Variants in SLC44A5 observed in about 807,000 individuals in gnomAD.
The protein encoded by SLC44A5 is choline transporter-like protein 5.
A neutral mutation model predicts 101.8 loss-of-function variants in SLC44A5; 57 were observed. The observed-to-expected ratio is 0.56, with a 90% CI of 0.45 to 0.70. The LOEUF is 0.70. Ranked by LOEUF, SLC44A5 falls within the 30% of genes least tolerant of loss-of-function variation. SLC44A5 has a pLI of 0.00. For missense variants in SLC44A5, 737 were observed against 853.1 expected (o/e 0.86, Z 1.70); for synonymous variants, 281 against 290.9 (o/e 0.97, Z 0.35).
chr1:75,401,343 T>C (rs1000529249), intron 2 of SLC44A5, among the ~76,000 whole-genome samples: 12 of 152,214 alleles, frequency 7.9e-5, no homozygotes, highest in Admixed American at 7.9e-4. Flanking sequence ...ATGGAGTTTT[T>C]TATAATGCAT....
At chr1:75,686,438 T>C in the SLC44A5 span, among the ~76,000 whole-genome samples, 2 of 152,164 alleles carry the variant, frequency 1.3e-5, no homozygotes, top group African/African-American at 4.8e-5. Context: ...CATCTTGAAG[T>C]AGAGCCTGTT....
At chr1:75,698,817 T>C in the SLC44A5 span, among the ~76,000 whole-genome samples, 1 of 152,190 alleles carries the variant, frequency 6.6e-6, no homozygotes, top group African/African-American at 2.4e-5. Flanking sequence ...AAGGAGCTGA[T>C]GGAGCTGAAA....
chr1:75,371,152 G>A (rs1333456954), intron 3 of SLC44A5, among the ~76,000 whole-genome samples: 4 of 152,318 alleles, frequency 2.6e-5, no homozygotes, highest in Middle Eastern at 3.4e-3. Context: ...GTGCAGCAAG[G>A]ATGTGTCAAT....
At chr1:75,214,145 G>C (rs1360144899) in intron 20 of SLC44A5, among the ~76,000 whole-genome samples, 156 bp from the exon 21 acceptor site, 1 of 152,120 alleles carries the variant, frequency 6.6e-6, no homozygotes, top group Non-Finnish European at 1.5e-5. Context: ...GGAACTCATG[G>C]ATGATGTTCT....
chr1:75,428,107 C>T (rs149467682), intron 2 of SLC44A5, among the ~76,000 whole-genome samples: 128 of 152,224 alleles, frequency 8.4e-4, no homozygotes, highest in African/African-American at 2.8e-3. Flanking sequence ...TAGCAGAGTT[C>T]CTTTGCTGCC....
the SLC44A5 span, among the ~76,000 whole-genome samples, chr1:75,707,351 A>C: frequency 6.6e-6 from 1 of 152,184 alleles, no homozygotes. Context: ...ACCTGGAGTC[A>C]ACACAACCTG....
At chr1:75,224,045 G>A (rs953066763) in intron 13 of SLC44A5, among the ~76,000 whole-genome samples, 2 of 152,100 alleles carry the variant, frequency 1.3e-5, no homozygotes, top group African/African-American at 4.8e-5. Context: ...AAATATAACT[G>A]TCTTTTGAAC....
intron 2 of SLC44A5, among the ~76,000 whole-genome samples, chr1:75,507,902 G>T (rs748845857): frequency 6.6e-6 from 1 of 152,086 alleles, no homozygotes; most frequent in Non-Finnish European, 1.5e-5. Context: ...CCTACAAAAA[G>T]ACTTAGATAG....
At chr1:75,682,834 GA>G in the SLC44A5 span, among the ~76,000 whole-genome samples, 2 of 152,062 alleles carry the variant, frequency 1.3e-5, no homozygotes. Flanking sequence ...CAAAATGGGA[GA>G]AAATTTTCGC....
chr1:75,267,526 A>G (rs903593261), intron 6 of SLC44A5, among the ~76,000 whole-genome samples: 5 of 151,974 alleles, frequency 3.3e-5, no homozygotes, highest in African/African-American at 1.2e-4. Context: ...TTCTATAAGG[A>G]TATCTGCCAT....
At chr1:75,506,041 A>AG (rs918856365) in intron 2 of SLC44A5, among the ~76,000 whole-genome samples, 9 of 152,174 alleles carry the variant, frequency 5.9e-5, no homozygotes, top group Non-Finnish European at 1.2e-4. Context: ...GGTTCAAGGT[A>AG]GGGGTCTAGT....
In SLC44A5 at chr1:75,595,867, AATG is replaced by A. The variant is rs1213923782; in HGVS notation, c.-70+15170_-70+15172del. Among the ~76,000 whole-genome samples, 7 of 152,310 alleles carry A rather than the reference AATG, an allele frequency of 4.6e-5. No individual in the cohort carries two copies. The East Asian group carries it at 1.2e-3, about 25-fold the overall frequency. On this transcript the variant is annotated intron_variant, in intron 1 of 23. Coordinates refer to ENST00000370859, the MANE Select transcript of SLC44A5 (RefSeq NM_001130058.2). ...GAAGAATAGGACAGAAAGAAAAATG[AATG>A]ATATTTGAAATATAAGCCTTAAAAG...
chr1:75,572,287 A>T (rs2102040449), intron 1 of SLC44A5, among the ~76,000 whole-genome samples: 1 of 152,322 alleles, frequency 6.6e-6, no homozygotes, highest in South Asian at 2.1e-4. Context: ...ATAGCATTCC[A>T]GGAGGCAGGT....
chr1:75,384,283 C>G (rs142906442), intron 3 of SLC44A5, among the ~76,000 whole-genome samples: 38,340 of 151,084 alleles, frequency 0.25, 5,236 homozygotes, highest in African/African-American at 0.35. Flanking sequence ...AGAGTCAAGA[C>G]CCATCAGTGT....
At chr1:75,512,344 C>CT (rs1296957154) in intron 2 of SLC44A5, among the ~76,000 whole-genome samples, 5 of 152,194 alleles carry the variant, frequency 3.3e-5, no homozygotes, top group Non-Finnish European at 7.3e-5. Context: ...AGATGGCAGT[C>CT]TGCATCTGGG....
chr1:75,510,082 T>C (rs932163821), intron 2 of SLC44A5, among the ~76,000 whole-genome samples: 3 of 152,122 alleles, frequency 2.0e-5, no homozygotes, highest in Non-Finnish European at 4.4e-5. Flanking sequence ...TTCACTATCA[T>C]GGGAACAGCA....
the SLC44A5 span, among the ~76,000 whole-genome samples, chr1:75,618,292 T>A: frequency 2.6e-5 from 4 of 152,206 alleles, no homozygotes; most frequent in Non-Finnish European, 5.9e-5. Context: ...ATTATCTCAA[T>A]TAAGGTCATG....
chr1:75,619,056 G>A, the SLC44A5 span, among the ~76,000 whole-genome samples: 2 of 113,918 alleles, frequency 1.8e-5, no homozygotes, highest in African/African-American at 6.7e-5. Context: ...GGCAACAAGA[G>A]CGAAACTCTG....
At chr1:75,563,915 T>C (rs1170273759) in intron 1 of SLC44A5, among the ~76,000 whole-genome samples, 6 of 152,190 alleles carry the variant, frequency 3.9e-5, no homozygotes, top group African/African-American at 1.4e-4. Context: ...TTGGAAAAGA[T>C]TCATATTAGC....
Sources: gnomAD v4.1 joint callset for allele counts (sites outside exome capture counted in the v4.1 genomes callset) on GRCh38, gnomAD v4.1.1 for gene constraint, MANE v1.5 for transcripts, NCBI Gene and HGNC (gene_info 2026-07-23, HGNC 2026-07-21) for gene names.